KLHL3: variants seen among roughly 807,000 people sequenced by gnomAD.
The protein encoded by KLHL3 is kelch like family member 3, also known as kelch-like protein 3.
KLHL3 carries 19 observed loss-of-function variants against 70.5 expected under a neutral mutation model. That is an observed-to-expected ratio of 0.27 (90% CI 0.19 to 0.40). KLHL3 has a LOEUF of 0.40. Among genes scored for constraint, KLHL3 ranks in the 10% least tolerant of loss-of-function variants. The pLI, the probability that KLHL3 is intolerant of heterozygous loss-of-function variation, is 1.00. For missense variants in KLHL3, 512 were observed against 771.1 expected, an observed-to-expected ratio of 0.66 and a Z score of 3.98; for synonymous variants, 258 against 290.3, an observed-to-expected ratio of 0.89 and a Z score of 1.13.
At chr5:137,626,044 T>C (rs960415722) in intron 13 of KLHL3, 148 bp from the exon 14 acceptor site, 3 of 923,906 alleles carry the variant, frequency 3.2e-6, no homozygotes, top group Non-Finnish European at 4.8e-6. Context: ...AGGTTTGAGT[T>C]TGCTAAGTGA....
chr5:137,626,632 T>C (rs1750468170), intron 13 of KLHL3, among the ~76,000 whole-genome samples: 1 of 152,244 alleles, frequency 6.6e-6, no homozygotes, highest in Admixed American at 6.5e-5. Flanking sequence ...CTGAAGGTAC[T>C]CTCAAATACT....
At chr5:137,687,027 G>GCT (rs1752189289) in intron 5 of KLHL3, among the ~76,000 whole-genome samples, 2 of 110,044 alleles carry the variant, frequency 1.8e-5, no homozygotes, top group Non-Finnish European at 3.9e-5. Context: ...AGGTGGGGGG[G>GCT]TCAGCCCCCC....
chr5:137,620,289 G>A lies in KLHL3; in HGVS notation c.*1809C>T, dbSNP rs1339638732. 6.6e-6 allele frequency: 1 copy of A among 152,200 alleles called. No individual in the cohort carries two copies. Among genetic ancestry groups the A allele is most frequent in the African/African-American group, 2.4e-5 (1 of 41,432 alleles). 9.4% of individuals were successfully genotyped at this position (152,200 alleles called of 1,614,324 possible). On this transcript the variant is annotated 3_prime_UTR_variant, in exon 15 of 15. Coordinates refer to ENST00000309755, the MANE Select transcript of KLHL3 (RefSeq NM_017415.3). ...AGTAACATGTGCTTAACATCAGAAA[G>A]AGAAGTTTTGTCTTTAGGAGAGTTG... is the stretch of plus-strand genomic sequence containing the variant.
At chr5:137,699,146 T>G (rs981399440) in intron 3 of KLHL3, among the ~76,000 whole-genome samples, 2 of 152,152 alleles carry the variant, frequency 1.3e-5, no homozygotes, top group African/African-American at 4.8e-5. Flanking sequence ...TCCTGGGAAC[T>G]CCAGTCAGGC....
chr5:137,683,467 C>T (rs1016360958), intron 5 of KLHL3, among the ~76,000 whole-genome samples: 9 of 152,132 alleles, frequency 5.9e-5, no homozygotes, highest in African/African-American at 1.9e-4. Flanking sequence ...TCTTCTGCCC[C>T]TTATTACTCT....
At chr5:137,653,925 A>G (rs897494856) in intron 8 of KLHL3, among the ~76,000 whole-genome samples, 33 of 152,242 alleles carry the variant, frequency 2.2e-4, no homozygotes, top group African/African-American at 6.3e-4. Context: ...AAAAGGAATG[A>G]GCTCCTGATA....
intron 8 of KLHL3, among the ~76,000 whole-genome samples, chr5:137,643,521 T>A (rs762962054): frequency 2.3e-4 from 35 of 152,118 alleles, no homozygotes; most frequent in Non-Finnish European, 4.4e-4. Context: ...GTTTCAGAGG[T>A]AGCTCAAGGC....
intron 5 of KLHL3, among the ~76,000 whole-genome samples, chr5:137,683,718 T>G (rs1320077877): frequency 1.3e-5 from 2 of 152,042 alleles, no homozygotes; most frequent in Admixed American, 1.3e-4. Context: ...AAATATTATG[T>G]GTTGTCCTCT....
rs570188159 is a variant in KLHL3 at position 137,644,302 on chromosome 5, T to C, written c.904-4325A>G. 5.3e-5 allele frequency among the ~76,000 whole-genome samples: 8 copies of C among 152,330 alleles called. No individual in the cohort carries two copies. The East Asian group carries it at 1.5e-3, about 29-fold the overall frequency. On this transcript the variant is annotated intron_variant, in intron 8 of 14. Coordinates refer to ENST00000309755, the MANE Select transcript of KLHL3 (RefSeq NM_017415.3). ...TCAGTCTGGTCTTGAACTCCTGACC[T>C]AAGGTGATCCACTCGCCTCGGCCTC...
chr5:137,656,794 G>C (rs553638457), intron 8 of KLHL3, among the ~76,000 whole-genome samples: 5 of 152,238 alleles, frequency 3.3e-5, no homozygotes, highest in African/African-American at 4.8e-5. Flanking sequence ...GAAGCCAGGT[G>C]CAGGATGGTA....
Position 137,639,938 on chromosome 5 carries a change from G to A in KLHL3, c.943C>T (p.Arg315Cys), listed in dbSNP as rs139964597. Residue 315 changes from arginine (R) to cysteine (C), a missense_variant, in exon 9 of 15, where the codon CGC (arginine) becomes TGC (cysteine). Transcript: ENST00000309755. The surrounding 1 kb of genome is among the most constrained non-coding windows in gnomAD (Gnocchi z 5.0). ...VVGGQAPKAI[R>C]SVECYDFEED... ...TCGAAATCATAGCACTCCACACTGC[G>A]GATTGCCTTGGGTGCCTGGCCGCCA... is the stretch of plus-strand genomic sequence containing the variant. The A allele has an allele frequency of 1.4e-4, 224 of 1,614,150 alleles. No homozygotes were observed. The Middle Eastern group carries it at 2.3e-3, about 17-fold the overall frequency.
intron 1 of KLHL3, among the ~76,000 whole-genome samples, chr5:137,724,291 G>A (rs912187061): frequency 6.6e-6 from 1 of 152,140 alleles, no homozygotes; most frequent in African/African-American, 2.4e-5. Context: ...AAAGCCTAGT[G>A]AACAGATATT....
intron 1 of KLHL3, among the ~76,000 whole-genome samples, chr5:137,724,547 G>GA: frequency 6.6e-6 from 1 of 152,282 alleles, no homozygotes; most frequent in South Asian, 2.1e-4. Flanking sequence ...ATTCACACTA[G>GA]AGCCTCCGTA....
intron 1 of KLHL3, among the ~76,000 whole-genome samples, chr5:137,723,812 T>A (rs1753042517): frequency 6.6e-6 from 1 of 152,234 alleles, no homozygotes; most frequent in African/African-American, 2.4e-5. Flanking sequence ...CTTTCAAAGA[T>A]GTTTCTAATG....
Position 137,735,812 on chromosome 5 carries a change from A to G in KLHL3, c.-166T>C. The G allele has an allele frequency of 1.1e-6, 1 of 879,372 alleles. No homozygotes were observed. The allele number at this position is 879,372 out of a possible 1,614,324, so 54.5% of individuals were successfully genotyped here. A position where few individuals can be genotyped will look rare whatever the true frequency, so the allele number is the denominator to read the frequency against. Reference sequence around the variant, plus strand: ...TCCCTTCTCAATCCTCCTTCCTCTGACTTACTCGCAGCAGCTTCTACCGCA... The same window carrying G: ...TCCCTTCTCAATCCTCCTTCCTCTGGCTTACTCGCAGCAGCTTCTACCGCA... On this transcript the variant is annotated 5_prime_UTR_variant, in exon 1 of 15. Coordinates refer to ENST00000309755, the MANE Select transcript of KLHL3 (RefSeq NM_017415.3).
intron 5 of KLHL3, among the ~76,000 whole-genome samples, chr5:137,684,024 A>G (rs974975209): frequency 2.0e-5 from 3 of 152,238 alleles, no homozygotes; most frequent in Non-Finnish European, 4.4e-5. Context: ...GGCAACCATC[A>G]TAGAAAATAG....
rs558363743 is a variant in KLHL3 at position 137,682,452 on chromosome 5, T to C, written c.527-4798A>G. On this transcript the variant is annotated intron_variant, in intron 5 of 14. Transcript: ENST00000309755. Reference sequence around the variant, plus strand: ...GAGAGAGAGGCATAGACAGAGGATATGCATCTAAAAACCTTTCTTTGGGGA... The same window carrying C: ...GAGAGAGAGGCATAGACAGAGGATACGCATCTAAAAACCTTTCTTTGGGGA... Among the ~76,000 whole-genome samples, 18 of 121,432 alleles carry C rather than the reference T, an allele frequency of 1.5e-4. No individual in the cohort carries two copies. The South Asian group carries it at 4.2e-3, about 29-fold the overall frequency. 79.7% of individuals were successfully genotyped at this position (121,432 alleles called of 152,430 possible).
At chr5:137,633,953 C>T in intron 12 of KLHL3, 84 bp downstream of exon 12, 8 of 1,572,494 alleles carry the variant, frequency 5.1e-6, no homozygotes, top group Non-Finnish European at 7.0e-6. Context: ...CATGTACCCT[C>T]TAAATCTAAA....
chr5:137,703,342 TC>T (rs978560305), intron 3 of KLHL3, among the ~76,000 whole-genome samples: 10 of 152,214 alleles, frequency 6.6e-5, no homozygotes, highest in African/African-American at 1.9e-4. Flanking sequence ...GGAACTTTCT[TC>T]CCCCCAACCC....
Sources: gnomAD v4.1 joint callset for allele counts (sites outside exome capture counted in the v4.1 genomes callset) on GRCh38, gnomAD v4.1.1 for gene constraint, Gnocchi (gnomAD v3.1) non-coding constraint, MANE v1.5 for transcripts, NCBI Gene and HGNC (gene_info 2026-07-23, HGNC 2026-07-21) for gene names.